The following SND1 variants were observed in gnomAD, a reference collection of about 807,000 sequenced individuals.
SND1 encodes the protein staphylococcal nuclease and tudor domain containing 1, also known as staphylococcal nuclease domain-containing protein 1.
SND1 carries 38 observed loss-of-function variants against 121.7 expected under a neutral mutation model. That is an observed-to-expected ratio of 0.31 (90% CI 0.24 to 0.41). The LOEUF (loss-of-function observed/expected upper bound fraction) is 0.41, where lower values mean the gene tolerates loss of function less well. SND1 is among the 10% of genes least tolerant of loss of function. The pLI is 1.00. For synonymous variants in SND1, 401 were observed against 447.4 expected (o/e 0.90, Z 1.31); for missense variants, 868 against 1,184.6 (o/e 0.73, Z 3.92).
At chr7:128,028,520 CTTT>C (rs563331948) in intron 16 of SND1, 5 of 658,862 alleles carry the variant, frequency 7.6e-6, no homozygotes, top group Admixed American at 3.7e-5. Context: ...TTTGTTTTGA[CTTT>C]TTGTCTTTAA....
intron 9 of SND1, among the ~76,000 whole-genome samples, chr7:127,718,390 A>C (rs937685880): frequency 6.6e-6 from 1 of 152,202 alleles, no homozygotes; most frequent in Non-Finnish European, 1.5e-5. Flanking sequence ...TTTATTGCCG[A>C]TTCCATGTCT....
intron 15 of SND1, among the ~76,000 whole-genome samples, chr7:127,983,930 C>T (rs1455653143): frequency 6.6e-6 from 1 of 152,126 alleles, no homozygotes; most frequent in Non-Finnish European, 1.5e-5. Flanking sequence ...CTAATAATTA[C>T]ACCCCCTGTT....
At chr7:127,837,326 A>C (rs1798885091) in intron 11 of SND1, among the ~76,000 whole-genome samples, 1 of 152,238 alleles carries the variant, frequency 6.6e-6, no homozygotes, top group South Asian at 2.1e-4. Context: ...TAATACAAAA[A>C]AAGATCTCAA....
At chr7:127,731,512 G>A (rs913655755) in intron 10 of SND1, among the ~76,000 whole-genome samples, 2 of 152,048 alleles carry the variant, frequency 1.3e-5, no homozygotes, top group Non-Finnish European at 2.9e-5. Flanking sequence ...TCCTTCCTTC[G>A]CAGATTGCCC....
chr7:127,695,425 C>T (rs1008326140), intron 3 of SND1, among the ~76,000 whole-genome samples: 6 of 152,074 alleles, frequency 3.9e-5, no homozygotes, highest in African/African-American at 7.2e-5. Context: ...GCACAGATGT[C>T]GGGGTTGCAT....
At chr7:127,775,215 A>G (rs1376688373) in intron 10 of SND1, among the ~76,000 whole-genome samples, 3 of 152,308 alleles carry the variant, frequency 2.0e-5, no homozygotes, top group East Asian at 1.9e-4. Flanking sequence ...TAAAGGGAAC[A>G]TGGCCCTGTT....
chr7:127,762,430 A>G (rs1450153120), intron 10 of SND1, among the ~76,000 whole-genome samples: 2 of 152,174 alleles, frequency 1.3e-5, no homozygotes, highest in Non-Finnish European at 2.9e-5. Flanking sequence ...TGTACCCCCT[A>G]CGTCTCTCTG....
intron 16 of SND1, among the ~76,000 whole-genome samples, chr7:128,009,534 C>T (rs1027685977): frequency 2.6e-5 from 4 of 152,166 alleles, no homozygotes; most frequent in African/African-American, 4.8e-5. Context: ...ACAGTAGCCA[C>T]GTAATGGATA....
intron 10 of SND1, among the ~76,000 whole-genome samples, chr7:127,784,724 G>T (rs1383605400): frequency 1.3e-5 from 2 of 152,140 alleles, no homozygotes; most frequent in Non-Finnish European, 2.9e-5. Context: ...AGTGAAAGTG[G>T]TAGAGAGGCT....
rs1332358143 is a variant in SND1 at position 128,085,924 on chromosome 7, C to A, written c.2304+144C>A. ...CATCTCTGCTGTGCGTGTAACAGGC[C>A]AGGCCCCCTCAGTGACCTGGCAAAA... On this transcript the variant is annotated intron_variant, in intron 20 of 23. Coordinates refer to ENST00000354725, the MANE Select transcript of SND1 (RefSeq NM_014390.4). This position sits in a 1 kb window ranked among gnomAD's most constrained non-coding sequence, Gnocchi z 4.4. 5.6e-6 allele frequency: 4 copies of A among 713,338 alleles called. No individual in the cohort carries two copies. Among genetic ancestry groups the A allele is most frequent in the Admixed American group, 5.2e-5 (2 of 38,474 alleles). 44.2% of individuals were successfully genotyped at this position (713,338 alleles called of 1,614,324 possible). A position where few individuals can be genotyped will look rare whatever the true frequency, so the allele number is the denominator to read the frequency against.
intron 13 of SND1, among the ~76,000 whole-genome samples, chr7:127,891,113 A>T (rs1049275724): frequency 6.6e-6 from 1 of 152,104 alleles, no homozygotes; most frequent in Non-Finnish European, 1.5e-5. Context: ...GCTAACCCCC[A>T]GGAAAGTGAA....
At chr7:127,714,359 A>G (rs531608678) in intron 9 of SND1, among the ~76,000 whole-genome samples, 1 of 152,312 alleles carries the variant, frequency 6.6e-6, no homozygotes, top group East Asian at 1.9e-4. Flanking sequence ...CCATGGGTAC[A>G]GTAGATTTTA....
chr7:127,867,284 C>G (rs542552042), intron 12 of SND1, among the ~76,000 whole-genome samples: 60 of 152,276 alleles, frequency 3.9e-4, no homozygotes, highest in Non-Finnish European at 6.8e-4. Flanking sequence ...TTGTTTTCTT[C>G]TACCTTTTCA....
chr7:127,851,841 G>A (rs187223946), intron 12 of SND1, among the ~76,000 whole-genome samples: 90 of 152,166 alleles, frequency 5.9e-4, no homozygotes, highest in Admixed American at 1.4e-3. Flanking sequence ...TAATATCTCT[G>A]AGAACATTTA....
At chr7:127,930,261 C>T (rs913038652) in intron 15 of SND1, among the ~76,000 whole-genome samples, 17 of 152,254 alleles carry the variant, frequency 1.1e-4, no homozygotes, top group Non-Finnish European at 1.9e-4. Flanking sequence ...TGTCTCAGCA[C>T]TTCTTACATT....
intron 13 of SND1, among the ~76,000 whole-genome samples, chr7:127,892,196 T>G (rs917057216): frequency 1.3e-5 from 2 of 152,280 alleles, no homozygotes; most frequent in Middle Eastern, 3.4e-3. Flanking sequence ...CACAGCTGCC[T>G]GCCTAGAAGT....
chr7:128,073,244 A>T (rs1489020985), intron 16 of SND1, among the ~76,000 whole-genome samples: 3 of 152,190 alleles, frequency 2.0e-5, no homozygotes, highest in Non-Finnish European at 2.9e-5. Flanking sequence ...ATCAACATGG[A>T]CTGGACCTAT....
intron 10 of SND1, among the ~76,000 whole-genome samples, chr7:127,791,732 GT>G (rs2116542473): frequency 6.6e-6 from 1 of 152,256 alleles, no homozygotes; most frequent in East Asian, 1.9e-4. Flanking sequence ...GATAAAATAT[GT>G]GATAACAAAT....
chr7:128,000,852 C>G (rs918046211), intron 16 of SND1, among the ~76,000 whole-genome samples: 1 of 152,204 alleles, frequency 6.6e-6, no homozygotes, highest in Non-Finnish European at 1.5e-5. Flanking sequence ...GAGCCACCAG[C>G]AGAGCACAAG....
Sources: allele counts gnomAD v4.1 joint callset (sites outside exome capture counted in the v4.1 genomes callset), GRCh38; gene constraint gnomAD v4.1.1; non-coding constraint Gnocchi (gnomAD v3.1); transcripts MANE v1.5; gene names NCBI Gene and HGNC (gene_info 2026-07-23, HGNC 2026-07-21).